The following GRID1 variants were observed in gnomAD, a reference collection of about 807,000 sequenced individuals.
The protein encoded by GRID1 is glutamate receptor ionotropic, delta-1.
Under a neutral mutation model 98.0 loss-of-function variants are expected in GRID1, and 28 were observed. The observed-to-expected ratio is 0.29, with a 90% CI of 0.21 to 0.39. The LOEUF (loss-of-function observed/expected upper bound fraction) is 0.39, where lower values mean the gene tolerates loss of function less well. Ranked by LOEUF, GRID1 falls within the 10% of genes least tolerant of loss-of-function variation. GRID1 has a pLI of 1.00. For missense variants in GRID1, 1,111 were observed against 1,340.5 expected (o/e 0.83, Z 2.67); for synonymous variants, 553 against 538.5 (o/e 1.03, Z -0.37).
At position 85,602,687 on chromosome 10, in the gene GRID1, G is replaced by A. The variant is rs758005957; in HGVS notation, c.2616C>T (p.Asn872=). The A allele has an allele frequency of 6.2e-6, 10 of 1,611,792 alleles. No homozygotes were observed. The highest frequency in any genetic ancestry group is 8.5e-6 in the Non-Finnish European group (10 of 1,178,772). Residue 872 remains asparagine (N), a synonymous_variant, in exon 16 of 16, where the codon AAC becomes AAT. Transcript: ENST00000327946. The part of the protein sequence containing the change: ...QETPKEDKEV[N]LEQVHRRMNS... ...TCATGCGCCGGTGGACCTGCTCCAA[G>A]TTCACTTCTTTGTCCTGGAGGGAAG...
intron 12 of GRID1, among the ~76,000 whole-genome samples, chr10:85,679,731 T>TGAGAAGAAGC (rs1473911554): frequency 1.3e-5 from 2 of 152,166 alleles, no homozygotes; most frequent in East Asian, 3.9e-4. Flanking sequence ...TCCTGCTAGC[T>TGAGAAGAAGC]GAGAAGAAGC....
At chr10:86,186,928 G>C (rs1245421634) in intron 3 of GRID1, among the ~76,000 whole-genome samples, 2 of 152,208 alleles carry the variant, frequency 1.3e-5, no homozygotes, top group African/African-American at 4.8e-5. Flanking sequence ...CTAACTCCCA[G>C]GCAGAAGCAA....
At chr10:85,724,205 G>T in intron 11 of GRID1, 147 bp downstream of exon 11, 1 of 571,528 alleles carries the variant, frequency 1.7e-6, no homozygotes, top group South Asian at 2.6e-5. Context: ...AGAGAAATTG[G>T]GTGCAGCATG....
At chr10:86,061,006 C>T (rs1843640880) in intron 4 of GRID1, among the ~76,000 whole-genome samples, 1 of 152,152 alleles carries the variant, frequency 6.6e-6, no homozygotes, top group Non-Finnish European at 1.5e-5. Flanking sequence ...CCTATGCCTC[C>T]CCAGTTGCCT....
At chr10:86,048,754 C>G (rs536382751) in intron 4 of GRID1, among the ~76,000 whole-genome samples, 105 of 152,302 alleles carry the variant, frequency 6.9e-4, no homozygotes, top group Admixed American at 1.3e-3. Flanking sequence ...AGGACACATC[C>G]CACTGAAGAC....
chr10:85,713,754 T>C (rs944273213), intron 12 of GRID1, among the ~76,000 whole-genome samples: 1 of 151,726 alleles, frequency 6.6e-6, no homozygotes, highest in Non-Finnish European at 1.5e-5. Context: ...AAACAAATTA[T>C]ATATTCATCT....
chr10:85,779,753 T>G (rs1323675635), intron 8 of GRID1, among the ~76,000 whole-genome samples: 1 of 152,150 alleles, frequency 6.6e-6, no homozygotes, highest in African/African-American at 2.4e-5. Flanking sequence ...GAGCAGTCAC[T>G]AATACCTCCT....
chr10:85,747,401 C>T (rs142640496), intron 8 of GRID1, among the ~76,000 whole-genome samples: 1 of 152,268 alleles, frequency 6.6e-6, no homozygotes, highest in East Asian at 1.9e-4. Flanking sequence ...AAGCCCAGAA[C>T]TTTGACACAA....
chr10:85,880,027 A>T (rs1389465924), intron 5 of GRID1, among the ~76,000 whole-genome samples: 1 of 152,248 alleles, frequency 6.6e-6, no homozygotes, highest in East Asian at 1.9e-4. Context: ...TCTAGAAGAA[A>T]TGGATAATTT....
At chr10:85,699,056 T>G (rs907277080) in intron 12 of GRID1, among the ~76,000 whole-genome samples, 2 of 152,220 alleles carry the variant, frequency 1.3e-5, no homozygotes, top group South Asian at 4.1e-4. Context: ...GTTTTGTTTT[T>G]TGTTTTGTTT....
chr10:86,175,357 A>G (rs1845560234), intron 3 of GRID1, among the ~76,000 whole-genome samples: 1 of 149,014 alleles, frequency 6.7e-6, no homozygotes, highest in Non-Finnish European at 1.5e-5. Context: ...AAAAAAAAAG[A>G]CTCCAAGAAA....
intron 12 of GRID1, among the ~76,000 whole-genome samples, chr10:85,704,905 T>C (rs559744100): frequency 6.6e-6 from 1 of 152,334 alleles, no homozygotes; most frequent in African/African-American, 2.4e-5. Context: ...GAAATAAAGA[T>C]GTTCTTTGAA....
At chr10:85,989,561 C>A (rs1175499985) in intron 4 of GRID1, among the ~76,000 whole-genome samples, 2 of 152,350 alleles carry the variant, frequency 1.3e-5, no homozygotes, top group African/African-American at 4.8e-5. Context: ...TCTCACAGGA[C>A]TACAAACCCT....
intron 4 of GRID1, among the ~76,000 whole-genome samples, chr10:86,050,321 G>A (rs988942494): frequency 1.8e-4 from 27 of 152,214 alleles, no homozygotes; most frequent in Non-Finnish European, 3.5e-4. Context: ...GTGTATATAT[G>A]TAGTGTTTAG....
At chr10:85,973,855 G>C (rs976888703) in intron 4 of GRID1, among the ~76,000 whole-genome samples, 1 of 152,200 alleles carries the variant, frequency 6.6e-6, no homozygotes, top group Non-Finnish European at 1.5e-5. Flanking sequence ...GGGTTCTGAA[G>C]TCAGATTATG....
At position 86,138,800 on chromosome 10, in the gene GRID1, T is replaced by G; in HGVS notation, c.726+19A>C. 1 of 1,606,430 alleles carries G rather than the reference T, an allele frequency of 6.2e-7. No individual in the cohort carries two copies. The highest frequency in any genetic ancestry group is 1.3e-5 in the African/African-American group (1 of 74,936). On this transcript the variant is annotated intron_variant, in intron 4 of 15. Coordinates refer to ENST00000327946, the MANE Select transcript of GRID1 (RefSeq NM_017551.3). Reference sequence around the variant, plus strand: ...CCCTGGGCACCAGGCCCCTGAGGCCTCAGGCCCCCATGACCTACCTCGTTG... The same window carrying G: ...CCCTGGGCACCAGGCCCCTGAGGCCGCAGGCCCCCATGACCTACCTCGTTG...
At chr10:85,893,248 T>C (rs1383906626) in intron 5 of GRID1, among the ~76,000 whole-genome samples, 2 of 152,190 alleles carry the variant, frequency 1.3e-5, no homozygotes, top group Non-Finnish European at 2.9e-5. Context: ...TGATAAAGGA[T>C]ATCAACAATC....
rs1172487796 is a variant in GRID1, at chr10:85,694,578, A to G, written c.1997+28425T>C. Among the ~76,000 whole-genome samples, 8 of 93,216 alleles carry G rather than the reference A, an allele frequency of 8.6e-5. 1 individual carries two copies. Among genetic ancestry groups the G allele is most frequent in the African/African-American group, 5.8e-4 (8 of 13,804 alleles). 61.2% of individuals were successfully genotyped at this position (93,216 alleles called of 152,430 possible). Reference sequence around the variant, plus strand: ...TATATATATATATATATATATATATATATATATATATATATATATATATAA... The same window carrying G: ...TATATATATATATATATATATATATGTATATATATATATATATATATATAA... On this transcript the variant is annotated intron_variant, in intron 12 of 15. Transcript: ENST00000327946.
chr10:86,094,796 C>T (rs1402499026), intron 4 of GRID1, among the ~76,000 whole-genome samples: 1 of 151,350 alleles, frequency 6.6e-6, no homozygotes, highest in Non-Finnish European at 1.5e-5. Context: ...ACGCAATCCC[C>T]ATCAGAATAC....
Sources: allele counts gnomAD v4.1 joint callset (sites outside exome capture counted in the v4.1 genomes callset), GRCh38; gene constraint gnomAD v4.1.1; transcripts MANE v1.5; gene names NCBI Gene and HGNC (gene_info 2026-07-23, HGNC 2026-07-21).